GALC: variants seen among roughly 807,000 people sequenced by gnomAD.
GALC encodes the protein galactosylceramidase.
In GALC, 77 loss-of-function variants were observed where a neutral mutation model predicts 91.8. The ratio of observed to expected loss-of-function variants is 0.84; its 90% CI spans 0.70 to 1.01. GALC has a LOEUF of 1.01. GALC is among the 50% of genes least tolerant of loss of function. The probability of loss-of-function intolerance (pLI) is 0.00; values close to 1 mark genes in which losing one functional copy is unlikely to be tolerated. For missense variants in GALC, 882 were observed against 855.9 expected, an observed-to-expected ratio of 1.03 and a Z score of -0.38; for synonymous variants, 357 against 306.7, an observed-to-expected ratio of 1.16 and a Z score of -1.71.
chr14:87,963,252 G>A (rs1885884641), intron 10 of GALC, 132 bp downstream of exon 10: 3 of 944,548 alleles, frequency 3.2e-6, no homozygotes, highest in Non-Finnish European at 4.9e-6. Context: ...TTTTTTAAAT[G>A]AAAGCCATAA....
intron 1 of GALC, 133 bp downstream of exon 1, chr14:87,992,837 C>G: frequency 1.4e-6 from 2 of 1,403,242 alleles, no homozygotes; most frequent in South Asian, 1.6e-5. Flanking sequence ...CGCCTGCTGA[C>G]TGGCACCCTA....
intron 1 of GALC, among the ~76,000 whole-genome samples, chr14:87,991,444 C>T (rs1322402525): frequency 1.3e-5 from 2 of 152,180 alleles, no homozygotes; most frequent in African/African-American, 4.8e-5. Flanking sequence ...CCTCGTGATC[C>T]GCCCGCCTCG....
chr14:87,936,223 T>G (rs1566964494), intron 16 of GALC, among the ~76,000 whole-genome samples: 1 of 152,026 alleles, frequency 6.6e-6, no homozygotes, highest in Non-Finnish European at 1.5e-5. Context: ...AGGTCTTTCC[T>G]CACCTCCCTG....
At chr14:87,934,982 A>G (rs1884509126) in intron 16 of GALC, 104 bp from the exon 17 acceptor site, 1 of 817,530 alleles carries the variant, frequency 1.2e-6, no homozygotes, top group Non-Finnish European at 2.1e-6. Flanking sequence ...CAAATGTACT[A>G]CTCACTCAAG....
intron 16 of GALC, among the ~76,000 whole-genome samples, chr14:87,937,690 GCAAGATGCCTCA>G (rs1884641604): frequency 6.6e-6 from 1 of 151,516 alleles, no homozygotes; most frequent in East Asian, 2.0e-4. Flanking sequence ...AGGATGTGAG[GCAAGATGCCTCA>G]CATCCTATTG....
At position 87,976,462 on chromosome 14, in the gene GALC, T is replaced by C. The variant is rs369575157; in HGVS notation, c.648A>G (p.Gln216=). 1.2e-6 allele frequency: 2 copies of C among 1,612,744 alleles called. No homozygotes were observed. The highest frequency in any genetic ancestry group is 1.7e-5 in the Admixed American group (1 of 59,996). Residue 216 remains glutamine (Q), a synonymous_variant, in exon 7 of 17, where the codon CAA becomes CAG. Transcript: ENST00000261304. ...CTATGATTTTCACTCGCTGGAGACC[T>C]TGATAATTCAGCATTTTTCTTAATA... ...IKILRKMLNY[Q]GLQRVKIIAS...
intron 12 of GALC, among the ~76,000 whole-genome samples, chr14:87,948,475 T>C: frequency 6.6e-6 from 1 of 152,070 alleles, no homozygotes; most frequent in East Asian, 1.9e-4. Flanking sequence ...GCTGTGAGGA[T>C]TAAACCAGAT....
chr14:87,993,451 C>T (rs73312836), upstream of GALC: 112,856 of 1,535,610 alleles, frequency 0.073, 4,431 homozygotes, highest in African/African-American at 0.12. Flanking sequence ...CCAAGGTCCG[C>T]CAAAGGAAGA....
chr14:87,934,870 G>C lies in GALC; in HGVS notation c.1920C>G (p.Phe640Leu). The change falls in exon 17 of 17, where the codon TTC (phenylalanine) becomes TTG (leucine). Residue 640 changes from phenylalanine to leucine, a missense_variant. Transcript: ENST00000261304. ...YTLTLTIKGH[F>L]TSGMLNDKSL... is the part of the protein sequence containing the mutation. ...ACTTGTCATTCAGCATGCCAGAGGT[G>C]AAATGACCCTAGAGTAGAAAGAAAC... 1 of 1,604,642 alleles carries C rather than the reference G, an allele frequency of 6.2e-7. No homozygotes were observed. The highest frequency in any genetic ancestry group is 1.1e-5 in the South Asian group (1 of 90,906).
intron 1 of GALC, 51 bp from the exon 2 acceptor site, chr14:87,988,574 T>C (rs1193638036): frequency 1.6e-6 from 2 of 1,280,232 alleles, no homozygotes; most frequent in Non-Finnish European, 2.3e-6. Flanking sequence ...CAGTCATGAA[T>C]ATCTGTCTAC....
In GALC at chr14:87,941,398, A is replaced by C. The variant is rs1370833626; in HGVS notation, c.1831T>G (p.Leu611Val). 3 of 1,599,794 alleles carry C rather than the reference A, an allele frequency of 1.9e-6. No homozygotes were observed. Among genetic ancestry groups the C allele is most frequent in the Non-Finnish European group, 1.7e-6 (2 of 1,170,784 alleles). The change falls in exon 15 of 17, where the codon TTA becomes GTA. Residue 611 changes from leucine to valine, a missense_variant. Transcript: ENST00000261304. ...ANGSYRVTGD[L>V]AGWIIYALGR... ...AAAAAAAAAAAAAGTCAGTTACCTA[A>C]ATCACCTGTAACCCTGTAAGATCCA...
rs367125 is a variant in GALC at position 87,941,877 on chromosome 14, T to C, written c.1671-319A>G. Among the ~76,000 whole-genome samples the C allele has an allele frequency of 0.96, 145,486 of 151,998 alleles. 69,921 individuals are homozygous for C. The highest frequency in any genetic ancestry group is 1 in the Non-Finnish European group (67,864 of 67,924). On this transcript the variant is annotated intron_variant, in intron 14 of 16. Coordinates refer to ENST00000261304, the MANE Select transcript of GALC (RefSeq NM_000153.4). ...TTAAGAATACAATATTTTAAAATGC[T>C]ACTATTGTCTATGAACACATTAAAA...
intron 6 of GALC, among the ~76,000 whole-genome samples, chr14:87,979,082 C>T (rs1191362384): frequency 2.6e-5 from 4 of 151,626 alleles, no homozygotes; most frequent in African/African-American, 9.7e-5. Flanking sequence ...GCTCTTTTTG[C>T]CCAGGCTGGA....
chr14:87,970,816 C>A (rs1412130710), intron 7 of GALC, among the ~76,000 whole-genome samples: 1 of 147,754 alleles, frequency 6.8e-6, no homozygotes. Flanking sequence ...TTGCAGTGAG[C>A]CGAGATTGCG....
Position 87,950,722 on chromosome 14 carries a change from C to T in GALC, c.1188G>A (p.Arg396=). Residue 396 remains arginine (R), a synonymous_variant, in exon 11 of 17, where the codon CGG becomes CGA. Coordinates refer to ENST00000261304, the MANE Select transcript of GALC (RefSeq NM_000153.4). ...ACACATTGAAATAAGGAAGAAATGG[C>T]CGTATGCACTTAGAATGTTTATGAC... ...TMSHKHSKCI[R]PFLPYFNVSQ... 6.2e-7 allele frequency: 1 copy of T among 1,601,372 alleles called. No homozygotes were observed. Among genetic ancestry groups the T allele is most frequent in the South Asian group, 1.1e-5 (1 of 90,468 alleles).
chr14:87,967,214 T>C (rs950387599), intron 8 of GALC, among the ~76,000 whole-genome samples: 2 of 152,218 alleles, frequency 1.3e-5, no homozygotes, highest in African/African-American at 4.8e-5. Flanking sequence ...ACAGATTCTA[T>C]AGTATGGTCT....
chr14:87,934,520 T>C lies in GALC; in HGVS notation c.*212A>G, dbSNP rs1312785110. The C allele has an allele frequency of 3.5e-6, 5 of 1,433,326 alleles. No homozygotes were observed. Among genetic ancestry groups the C allele is most frequent in the Non-Finnish European group, 4.5e-6 (5 of 1,099,402 alleles). 88.8% of individuals were successfully genotyped at this position (1,433,326 alleles called of 1,614,324 possible). On this transcript the variant is annotated 3_prime_UTR_variant, in exon 17 of 17. Transcript: ENST00000261304. ...GAATGTTAGGGAACACACCAGGTAA[T>C]GTTAAAGATTCACCAGTTTTCCCCT...
At chr14:87,979,796 T>C (rs77242536) in intron 6 of GALC, among the ~76,000 whole-genome samples, 16,098 of 152,280 alleles carry the variant, frequency 0.11, 995 homozygotes, top group Non-Finnish European at 0.14. Flanking sequence ...CAACACCATC[T>C]ACCTCATTAC....
chr14:87,963,952 C>G (rs1050779490), intron 9 of GALC, among the ~76,000 whole-genome samples: 2 of 152,066 alleles, frequency 1.3e-5, no homozygotes, highest in Admixed American at 1.3e-4. Context: ...CTAAGCTCGT[C>G]CTGAAAATGC....
Sources: gnomAD v4.1 joint callset for allele counts (sites outside exome capture counted in the v4.1 genomes callset) on GRCh38, gnomAD v4.1.1 for gene constraint, MANE v1.5 for transcripts, NCBI Gene and HGNC (gene_info 2026-07-23, HGNC 2026-07-21) for gene names.